The following SETD3 variants were observed in gnomAD, a reference collection of about 807,000 sequenced individuals.
The protein encoded by SETD3 is actin-histidine N-methyltransferase.
SETD3 carries 19 observed loss-of-function variants against 63.0 expected under a neutral mutation model. That is an observed-to-expected ratio of 0.30 (90% CI 0.21 to 0.44). The LOEUF (loss-of-function observed/expected upper bound fraction) is 0.44, where lower values mean the gene tolerates loss of function less well. SETD3 is among the 20% of genes least tolerant of loss of function. The pLI, the probability that SETD3 is intolerant of heterozygous loss-of-function variation, is 1.00. For synonymous variants in SETD3, 286 were observed against 264.1 expected, an observed-to-expected ratio of 1.08 and a Z score of -0.80; for missense variants, 587 against 728.5, an observed-to-expected ratio of 0.81 and a Z score of 2.24.
chr14:99,473,541 C>T (rs190975108), intron 1 of SETD3, among the ~76,000 whole-genome samples: 31 of 152,278 alleles, frequency 2.0e-4, no homozygotes, highest in African/African-American at 7.2e-4. Flanking sequence ...TTAGCTCAAG[C>T]ACAGCATCTG....
intron 8 of SETD3, chr14:99,410,155 G>T: frequency 6.3e-7 from 1 of 1,589,884 alleles, no homozygotes; most frequent in Non-Finnish European, 8.6e-7. Context: ...TCCCGTAAGT[G>T]CCTAAGGAAT....
chr14:99,462,564 C>A (rs1486631094), intron 3 of SETD3, among the ~76,000 whole-genome samples: 6 of 152,170 alleles, frequency 3.9e-5, no homozygotes, highest in Non-Finnish European at 5.9e-5. Flanking sequence ...CCCTCAGTGT[C>A]AGGTATAGTA....
At chr14:99,413,259 GGAGT>G (rs1892105578) in intron 7 of SETD3, 194 bp from the exon 8 acceptor site, 3 of 556,584 alleles carry the variant, frequency 5.4e-6, no homozygotes, top group East Asian at 3.1e-5. Flanking sequence ...GGGAAATGCA[GGAGT>G]GAGTGTTTAA....
At chr14:99,446,029 T>C (rs1381267894) in intron 6 of SETD3, among the ~76,000 whole-genome samples, 3 of 152,188 alleles carry the variant, frequency 2.0e-5, no homozygotes, top group Non-Finnish European at 4.4e-5. Flanking sequence ...GACAGGCCTG[T>C]GGAGACAGAG....
In SETD3 at chr14:99,403,484, CTCTCTTTCTCTCTCTT is replaced by C. The variant is rs1377879902; in HGVS notation, c.1177+725_1177+740del. Among the ~76,000 whole-genome samples the C allele has an allele frequency of 2.8e-3, 390 of 138,192 alleles. 1 individual carries two copies. The highest frequency in any genetic ancestry group is 0.012 in the African/African-American group (362 of 31,360). The allele number at this position is 138,192 out of a possible 152,430, so 90.7% of individuals were successfully genotyped here. ...TCTCTCTCTCTCTCTCTCTCTCTCT[CTCTCTTTCTCTCTCTT>C]AAAAATGAAACCTCAGGGCCAGGAA... On this transcript the variant is annotated intron_variant, in intron 11 of 12. Coordinates refer to ENST00000331768, the MANE Select transcript of SETD3 (RefSeq NM_032233.3).
intron 6 of SETD3, among the ~76,000 whole-genome samples, chr14:99,414,275 A>G (rs1892167741): frequency 6.6e-6 from 1 of 152,270 alleles, no homozygotes; most frequent in Non-Finnish European, 1.5e-5. Flanking sequence ...AGAAACGCAG[A>G]GCCGCCCAAG....
intron 2 of SETD3, among the ~76,000 whole-genome samples, chr14:99,463,843 T>C (rs1406508266): frequency 6.6e-6 from 1 of 152,190 alleles, no homozygotes; most frequent in Non-Finnish European, 1.5e-5. Flanking sequence ...CTAGCTCACA[T>C]CCACCTTATT....
chr14:99,450,657 G>A (rs985367945), intron 6 of SETD3, among the ~76,000 whole-genome samples: 5 of 152,186 alleles, frequency 3.3e-5, no homozygotes, highest in East Asian at 1.9e-4. Flanking sequence ...TGCTTGCCTC[G>A]AAACAAAATT....
rs1160982909 is a variant in SETD3 at position 99,429,271 on chromosome 14, G to C, written c.676-15337C>G. ...ACCAAACATATTTGCAGGAAAAAAA[G>C]AAGAGGATTTAAAAGGATGAAGAAA... On this transcript the variant is annotated intron_variant, in intron 6 of 12. Coordinates refer to ENST00000331768, the MANE Select transcript of SETD3 (RefSeq NM_032233.3). Among the ~76,000 whole-genome samples the C allele has an allele frequency of 2.0e-5, 3 of 152,144 alleles. No individual in the cohort carries two copies. In the South Asian group the frequency reaches 6.2e-4, roughly 32 times the overall value.
chr14:99,472,803 T>A (rs1223825568), intron 1 of SETD3, among the ~76,000 whole-genome samples: 1 of 152,198 alleles, frequency 6.6e-6, no homozygotes, highest in Non-Finnish European at 1.5e-5. Flanking sequence ...CTTACTGAAT[T>A]ATCTTAAAGA....
chr14:99,428,617 C>T (rs1893009397), intron 6 of SETD3, among the ~76,000 whole-genome samples: 1 of 152,066 alleles, frequency 6.6e-6, no homozygotes, highest in African/African-American at 2.4e-5. Context: ...CTGCACTCAG[C>T]CTGGGTGACA....
At position 99,411,969 on chromosome 14, in the gene SETD3, C is replaced by T. The variant is rs529326391; in HGVS notation, c.849+982G>A. ...GATATTCTGTCTTCAGTGTCTGGCG[C>T]ACACTACGTGTGTTCTGGCCATTCC... is the stretch of plus-strand genomic sequence containing the variant. On this transcript the variant is annotated intron_variant, in intron 8 of 12. Coordinates refer to ENST00000331768, the MANE Select transcript of SETD3 (RefSeq NM_032233.3). 5 of 152,302 alleles carry T rather than the reference C, an allele frequency of 3.3e-5. No individual in the cohort carries two copies. In the South Asian group the frequency reaches 1.0e-3, roughly 32 times the overall value. 9.4% of individuals were successfully genotyped at this position (152,302 alleles called of 1,614,324 possible).
At chr14:99,458,223 T>G in intron 6 of SETD3, 56 bp downstream of exon 6, 1 of 1,546,428 alleles carries the variant, frequency 6.5e-7, no homozygotes, top group South Asian at 1.2e-5. Context: ...TGGACTCAAT[T>G]CCTCTTTCCT....
At chr14:99,482,976 A>T (rs1230830400), upstream of SETD3, among the ~76,000 whole-genome samples, 1 of 152,222 alleles carries the variant, frequency 6.6e-6, no homozygotes, top group Non-Finnish European at 1.5e-5. Context: ...TTACAGAGTG[A>T]TCATATTTTT....
At chr14:99,402,746 C>T (rs985811549) in intron 11 of SETD3, among the ~76,000 whole-genome samples, 3 of 152,228 alleles carry the variant, frequency 2.0e-5, no homozygotes, top group Non-Finnish European at 4.4e-5. Context: ...CCAGCTAATA[C>T]TTACCCTCTT....
At chr14:99,425,968 A>C (rs1236530324) in intron 6 of SETD3, among the ~76,000 whole-genome samples, 1 of 152,212 alleles carries the variant, frequency 6.6e-6, no homozygotes, top group Non-Finnish European at 1.5e-5. Flanking sequence ...TTCTAAAAAA[A>C]ACAAGCTGTT....
chr14:99,472,560 C>G (rs1044257924), intron 1 of SETD3, among the ~76,000 whole-genome samples: 1 of 152,032 alleles, frequency 6.6e-6, no homozygotes, highest in African/African-American at 2.4e-5. Context: ...TCATGCTCTT[C>G]ATGAAAAAAA....
intron 7 of SETD3, 25 bp downstream of exon 7, chr14:99,413,851 A>G (rs1892139450): frequency 6.2e-7 from 1 of 1,612,696 alleles, no homozygotes; most frequent in African/African-American, 1.3e-5. Flanking sequence ...CTCAATACAC[A>G]GACACACTCA....
chr14:99,401,920 A>T (rs1053067034), intron 11 of SETD3, among the ~76,000 whole-genome samples: 1 of 152,232 alleles, frequency 6.6e-6, no homozygotes, highest in African/African-American at 2.4e-5. Context: ...TTCTGGAGAA[A>T]TAAAGCCTAC....
Sources: gnomAD v4.1 joint callset for allele counts (sites outside exome capture counted in the v4.1 genomes callset) on GRCh38, gnomAD v4.1.1 for gene constraint, MANE v1.5 for transcripts, NCBI Gene and HGNC (gene_info 2026-07-23, HGNC 2026-07-21) for gene names.